Variants in DNM3 observed in about 807,000 individuals in gnomAD.
DNM3 encodes dynamin-3.
In DNM3, 47 loss-of-function variants were observed where a neutral mutation model predicts 101.6. The ratio of observed to expected loss-of-function variants is 0.46; its 90% CI spans 0.37 to 0.59. The LOEUF (loss-of-function observed/expected upper bound fraction) is 0.59, where lower values mean the gene tolerates loss of function less well. DNM3 is among the 20% of genes least tolerant of loss of function. DNM3 has a pLI of 0.00. For missense variants in DNM3, 849 were observed against 1,085.7 expected (o/e 0.78, Z 3.06); for synonymous variants, 385 against 387.9 (o/e 0.99, Z 0.09).
chr1:171,873,959 C>T (rs1207788265), intron 1 of DNM3, among the ~76,000 whole-genome samples: 2 of 152,092 alleles, frequency 1.3e-5, no homozygotes, highest in East Asian at 3.9e-4. Context: ...TATTTTTCTT[C>T]TAAGTGTTGC....
chr1:171,901,080 T>G (rs1223096318), intron 1 of DNM3, among the ~76,000 whole-genome samples: 3 of 121,268 alleles, frequency 2.5e-5, no homozygotes, highest in Non-Finnish European at 4.7e-5. Flanking sequence ...GCCACTGCAC[T>G]CCAGCATGGG....
At chr1:171,970,413 A>G (rs1372794180) in intron 2 of DNM3, among the ~76,000 whole-genome samples, 2 of 152,006 alleles carry the variant, frequency 1.3e-5, no homozygotes, top group African/African-American at 4.8e-5. Flanking sequence ...GAGAATACCT[A>G]TTTTCCAGAA....
intron 1 of DNM3, among the ~76,000 whole-genome samples, chr1:171,912,889 C>T (rs1392806291): frequency 6.6e-6 from 1 of 152,190 alleles, no homozygotes; most frequent in Non-Finnish European, 1.5e-5. Context: ...CATTCGTTTT[C>T]CTGGCAGCCA....
chr1:172,021,504 CT>C (rs2125752354), intron 4 of DNM3, among the ~76,000 whole-genome samples: 1 of 152,198 alleles, frequency 6.6e-6, no homozygotes, highest in African/African-American at 2.4e-5. Context: ...AAAAGGAAGT[CT>C]TTTGAGAGTT....
chr1:171,942,069 G>T (rs1367055290), intron 2 of DNM3, among the ~76,000 whole-genome samples: 2 of 152,162 alleles, frequency 1.3e-5, no homozygotes, highest in African/African-American at 4.8e-5. Flanking sequence ...ATTGAGGATG[G>T]CTAGGTAAAT....
chr1:172,037,246 TCTAGAA>T, intron 6 of DNM3, among the ~76,000 whole-genome samples: 2 of 152,280 alleles, frequency 1.3e-5, no homozygotes, highest in South Asian at 4.1e-4. Context: ...TCCTCAGGGA[TCTAGAA>T]CTAGAAATAC....
At chr1:171,903,724 A>G (rs931357907) in intron 1 of DNM3, among the ~76,000 whole-genome samples, 1 of 152,210 alleles carries the variant, frequency 6.6e-6, no homozygotes, top group Non-Finnish European at 1.5e-5. Flanking sequence ...TGAACTTTGA[A>G]CTTGAAAATT....
intron 16 of DNM3, among the ~76,000 whole-genome samples, 183 bp from the exon 17 acceptor site, chr1:172,323,146 T>C (rs1368691424): frequency 3.3e-5 from 5 of 152,174 alleles, no homozygotes; most frequent in Non-Finnish European, 7.4e-5. Context: ...CTGGATGCTG[T>C]ATGTGTATGT....
chr1:172,370,281 T>C (rs552373745), intron 17 of DNM3: 1 of 152,074 alleles, frequency 6.6e-6, no homozygotes, highest in Non-Finnish European at 1.5e-5. Context: ...GGATTTTATT[T>C]CTTTGGGACA....
intron 10 of DNM3, among the ~76,000 whole-genome samples, chr1:172,063,391 A>G (rs1191863942): frequency 1.3e-5 from 2 of 152,018 alleles, no homozygotes; most frequent in Non-Finnish European, 2.9e-5. Context: ...TCTCTAGGAA[A>G]ATGTGATCCA....
chr1:171,885,259 C>A (rs2036658494), intron 1 of DNM3, among the ~76,000 whole-genome samples: 1 of 152,044 alleles, frequency 6.6e-6, no homozygotes, highest in African/African-American at 2.4e-5. Context: ...AATAAAATTT[C>A]TTACCTCCTA....
chr1:172,035,964 G>T (rs2048925612), intron 6 of DNM3, among the ~76,000 whole-genome samples: 2 of 151,502 alleles, frequency 1.3e-5, no homozygotes, highest in South Asian at 4.2e-4. Flanking sequence ...CAGTCAATCT[G>T]GATATGTTAA....
In DNM3 at chr1:172,409,725, T is replaced by C; in HGVS notation, c.*1884T>C. The C allele has an allele frequency of 1.0e-6, 1 of 983,402 alleles. No individual in the cohort carries two copies. The highest frequency in any genetic ancestry group is 1.2e-6 in the Non-Finnish European group (1 of 829,054). 60.9% of individuals were successfully genotyped at this position (983,402 alleles called of 1,614,324 possible). The stretch of plus-strand genomic sequence containing the variant: ...GTAAAACAAATAATCTTCAGTGAGA[T>C]CTTTTTATAAAACTTCTTGTTTTTA... On this transcript the variant is annotated 3_prime_UTR_variant, in exon 21 of 21. Coordinates refer to ENST00000627582, the MANE Select transcript of DNM3 (RefSeq NM_015569.5).
intron 14 of DNM3, among the ~76,000 whole-genome samples, chr1:172,172,251 T>C (rs1277070835): frequency 6.6e-6 from 1 of 151,660 alleles, no homozygotes; most frequent in East Asian, 1.9e-4. Flanking sequence ...TTGTTACATC[T>C]GCAAATACAG....
chr1:172,162,977 G>A (rs1238462460), intron 14 of DNM3, among the ~76,000 whole-genome samples: 3 of 151,962 alleles, frequency 2.0e-5, no homozygotes, highest in Non-Finnish European at 4.4e-5. Context: ...GTAGAATTCT[G>A]CCTATTCATG....
In DNM3 at chr1:171,941,475, G is replaced by C. The variant is rs530277147; in HGVS notation, c.235+19654G>C. Among the ~76,000 whole-genome samples, 45 of 152,284 alleles carry C rather than the reference G, an allele frequency of 3.0e-4. No homozygotes were observed. The South Asian group carries it at 9.3e-3, about 32-fold the overall frequency. ...CATACTGCAACTGTAGAGTGAGGAAGAATAGTGGAGGTGAATGTTTAGAAG... is the reference window on the plus strand; with the variant it reads ...CATACTGCAACTGTAGAGTGAGGAACAATAGTGGAGGTGAATGTTTAGAAG... On this transcript the variant is annotated intron_variant, in intron 2 of 20. Transcript: ENST00000627582.
chr1:172,095,931 A>G (rs545627173), intron 13 of DNM3, among the ~76,000 whole-genome samples: 43 of 152,286 alleles, frequency 2.8e-4, no homozygotes, highest in African/African-American at 7.0e-4. Context: ...TCATCCTTCC[A>G]CTCATGTATT....
intron 2 of DNM3, among the ~76,000 whole-genome samples, chr1:171,956,012 A>T (rs773870136): frequency 6.6e-6 from 1 of 152,142 alleles, no homozygotes; most frequent in Non-Finnish European, 1.5e-5. Context: ...ATTATCTCCC[A>T]CCAGGTCCCT....
chr1:172,166,087 C>T (rs2058733756), intron 14 of DNM3, among the ~76,000 whole-genome samples: 1 of 152,028 alleles, frequency 6.6e-6, no homozygotes, highest in Non-Finnish European at 1.5e-5. Context: ...AGGGGTATTG[C>T]ACCATATGGT....
Sources: gnomAD v4.1 joint callset for allele counts (sites outside exome capture counted in the v4.1 genomes callset) on GRCh38, gnomAD v4.1.1 for gene constraint, MANE v1.5 for transcripts, NCBI Gene and HGNC (gene_info 2026-07-23, HGNC 2026-07-21) for gene names.